The following RYR1 variants were observed in gnomAD, a reference collection of about 807,000 sequenced individuals.
The protein encoded by RYR1 is central core disease of muscle.
A neutral mutation model predicts 583.5 loss-of-function variants in RYR1; 342 were observed. The ratio of observed to expected loss-of-function variants is 0.59; its 90% CI spans 0.54 to 0.64. RYR1 has a LOEUF of 0.64. Among genes scored for constraint, RYR1 ranks in the 30% least tolerant of loss-of-function variants. RYR1 has a pLI of 0.00. For synonymous variants in RYR1, 2,791 were observed against 2,822.5 expected (o/e 0.99, Z 0.35); for missense variants, 6,032 against 6,917.2 (o/e 0.87, Z 4.54).
chr19:38,550,731 A>G (rs1972628825), intron 89 of RYR1, among the ~76,000 whole-genome samples: 1 of 152,090 alleles, frequency 6.6e-6, no homozygotes, highest in Non-Finnish European at 1.5e-5. Context: ...CTCGGTGTTC[A>G]CCAGGGGCTC....
Position 38,455,807 on chromosome 19 carries a change from C to G in RYR1, c.1791+56C>G, listed in dbSNP as rs1034637902. Reference sequence around the variant, plus strand: ...CTGAACTCTGAATGCTGGCCTCTCCCCAGGGCTCCAGAACTCTGCTCACTC... The same window carrying G: ...CTGAACTCTGAATGCTGGCCTCTCCGCAGGGCTCCAGAACTCTGCTCACTC... On this transcript the variant is annotated intron_variant, in intron 16 of 105. Coordinates refer to ENST00000359596, the MANE Select transcript of RYR1 (RefSeq NM_000540.3). The G allele has an allele frequency of 3.7e-6, 4 of 1,077,908 alleles. No individual in the cohort carries two copies. The East Asian group carries it at 9.4e-5, about 25-fold the overall frequency. The allele number at this position is 1,077,908 out of a possible 1,614,324, so 66.8% of individuals were successfully genotyped here.
At chr19:38,575,771 C>T in intron 96 of RYR1, 148 bp from the exon 97 acceptor site, 2 of 836,936 alleles carry the variant, frequency 2.4e-6, no homozygotes. Flanking sequence ...CCACTGCACT[C>T]CAGCCTGGGC....
rs1455758646 is a variant in RYR1 at position 38,496,378 on chromosome 19, G to A, written c.6664-31G>A. The stretch of plus-strand genomic sequence containing the variant: ...GGAGCTCAGGGGAGGCAGCCACAGA[G>A]GGCAGGCCCTGACCACCCTGCCTGT... On this transcript the variant is annotated intron_variant, in intron 40 of 105. Transcript: ENST00000359596. This position sits in a 1 kb window ranked among gnomAD's most constrained non-coding sequence, Gnocchi z 4.8. 2 of 1,613,660 alleles carry A rather than the reference G, an allele frequency of 1.2e-6. No homozygotes were observed. The highest frequency in any genetic ancestry group is 1.3e-5 in the African/African-American group (1 of 74,936).
Position 38,528,992 on chromosome 19 carries a change from G to A in RYR1, c.11076G>A (p.Glu3692=). The change falls in exon 76 of 106, where the codon GAG becomes GAA. Residue 3692 remains glutamate, a synonymous_variant. Transcript: ENST00000359596. The stretch of plus-strand genomic sequence containing the variant: ...AGGAGGAGGAGGAAGAGGTGGAAGA[G>A]AAGAAGCCAGACCCCCTGCACCAGT... The part of the protein sequence containing the change: ...EQEEEEEEVE[E]KKPDPLHQLV... The A allele has an allele frequency of 6.2e-7, 1 of 1,613,430 alleles. No homozygotes were observed.
Position 38,575,978 on chromosome 19 carries a change from GC to G in RYR1, c.14172+20del. The stretch of plus-strand genomic sequence containing the variant: ...AAGCGCAAGGTGAGAGGACATGGAT[GC>G]CCTGGGTCCTGGATTGGGTCCCTGC... On this transcript the variant is annotated intron_variant, in intron 97 of 105. Transcript: ENST00000359596. The G allele has an allele frequency of 6.2e-7, 1 of 1,614,072 alleles. No homozygotes were observed. Among genetic ancestry groups the G allele is most frequent in the South Asian group, 1.1e-5 (1 of 91,082 alleles).
rs372460800 is a variant in RYR1 at position 38,459,158 on chromosome 19, G to A, written c.2180G>A (p.Arg727His). Residue 727 changes from arginine to histidine, a missense_variant, in exon 19 of 106, where the codon CGC becomes CAC. Transcript: ENST00000359596. ...GTGACTGATGCAGGACACGTGGCAC[G>A]CCCAGTGACTTCCCCAGGGCAGCAC... ...GLHLWTGHVA[R>H]PVTSPGQHLL... 1.1e-5 allele frequency: 18 copies of A among 1,613,198 alleles called. No homozygotes were observed. The highest frequency in any genetic ancestry group is 5.3e-5 in the African/African-American group (4 of 74,884).
chr19:38,572,423 A>G (rs1473976222), intron 95 of RYR1, among the ~76,000 whole-genome samples, 153 bp downstream of exon 95: 1 of 151,900 alleles, frequency 6.6e-6, no homozygotes, highest in African/African-American at 2.4e-5. Flanking sequence ...TGGGTACAGG[A>G]TTGGGGTCTC....
Position 38,489,393 on chromosome 19 carries a change from T to C in RYR1, c.5764T>C (p.Leu1922=), listed in dbSNP as rs377314748. 1 of 1,613,700 alleles carries C rather than the reference T, an allele frequency of 6.2e-7. No homozygotes were observed. The highest frequency in any genetic ancestry group is 1.1e-5 in the South Asian group (1 of 91,050). ...AGCAGAAGGGGAGAAAGAAGAAGGCTTGGAGGAAGGGCTGCTCCAGATGAA... is the reference window on the plus strand; with the variant it reads ...AGCAGAAGGGGAGAAAGAAGAAGGCCTGGAGGAAGGGCTGCTCCAGATGAA... The part of the protein sequence containing the change: ...EAAEGEKEEG[L]EEGLLQMKLP... The change falls in exon 35 of 106, where the codon TTG becomes CTG. Residue 1922 remains leucine, a synonymous_variant. Coordinates refer to ENST00000359596, the MANE Select transcript of RYR1 (RefSeq NM_000540.3).
Position 38,496,023 on chromosome 19 carries a change from A to G in RYR1, c.6549-192A>G, listed in dbSNP as rs1969803290. On this transcript the variant is annotated intron_variant, in intron 39 of 105. Coordinates refer to ENST00000359596, the MANE Select transcript of RYR1 (RefSeq NM_000540.3). This position sits in a 1 kb window ranked among gnomAD's most constrained non-coding sequence, Gnocchi z 4.8. Reference sequence around the variant, plus strand: ...AGTGATCCTCTAGCTTCGGCCTCCCAAAGTGCTGGGATTACACGCATGAGC... The same window carrying G: ...AGTGATCCTCTAGCTTCGGCCTCCCGAAGTGCTGGGATTACACGCATGAGC... Among the ~76,000 whole-genome samples the G allele has an allele frequency of 6.6e-6, 1 of 152,122 alleles. No individual in the cohort carries two copies. Among genetic ancestry groups the G allele is most frequent in the Admixed American group, 6.5e-5 (1 of 15,272 alleles).
In RYR1 at chr19:38,457,674, C is replaced by T. The variant is rs755924841; in HGVS notation, c.1925+44C>T. ...GACCCCAGAACTCAGAACCTCTCAA[C>T]CCTCTCCCTGACTTAGAGACTCCAC... On this transcript the variant is annotated intron_variant, in intron 17 of 105. Coordinates refer to ENST00000359596, the MANE Select transcript of RYR1 (RefSeq NM_000540.3). 4 of 1,597,770 alleles carry T rather than the reference C, an allele frequency of 2.5e-6. No homozygotes were observed. The South Asian group carries it at 4.4e-5, about 18-fold the overall frequency.
chr19:38,489,971 G>C, intron 35 of RYR1, 105 bp from the exon 36 acceptor site: 1 of 1,198,694 alleles, frequency 8.3e-7, no homozygotes, highest in South Asian at 1.2e-5. Flanking sequence ...ATTTTGGCTG[G>C]ACCTGGGCAG....
In RYR1 at chr19:38,512,530, C is replaced by T. The variant is rs1348576551; in HGVS notation, c.9472+47C>T. ...GCAGGTTGCGGGGAGTCAGTGTGGC[C>T]AACACCACCCATCCGGGTGCCTGTG... On this transcript the variant is annotated intron_variant, in intron 63 of 105. Transcript: ENST00000359596. The surrounding 1 kb of genome is among the most constrained non-coding windows in gnomAD (Gnocchi z 5.1). The T allele has an allele frequency of 1.5e-5, 23 of 1,540,824 alleles. No homozygotes were observed. The highest frequency in any genetic ancestry group is 2.0e-5 in the Non-Finnish European group (22 of 1,124,896).
In RYR1 at chr19:38,573,409, C is replaced by T. The variant is rs1415790408; in HGVS notation, c.14129+102C>T. 24 of 1,431,126 alleles carry T rather than the reference C, an allele frequency of 1.7e-5. No individual in the cohort carries two copies. In the East Asian group the frequency reaches 2.8e-4, roughly 17 times the overall value. The allele number at this position is 1,431,126 out of a possible 1,614,324, so 88.7% of individuals were successfully genotyped here. A position where few individuals can be genotyped will look rare whatever the true frequency, so the allele number is the denominator to read the frequency against. On this transcript the variant is annotated intron_variant, in intron 96 of 105. Transcript: ENST00000359596. ...AAAAACTAGGGTTTCGGTCCGGGCA[C>T]GGTGGCTCACACCTGTAATCCCGGC...
chr19:38,492,657 G>A (rs1969607275), intron 38 of RYR1, 21 bp downstream of exon 38: 1 of 1,588,712 alleles, frequency 6.3e-7, no homozygotes, highest in Admixed American at 1.8e-5. Context: ...GGGTCACTGG[G>A]GAGAGGGCAG....
chr19:38,504,447 G>C, intron 50 of RYR1, 87 bp downstream of exon 50: 1 of 1,537,544 alleles, frequency 6.5e-7, no homozygotes, highest in Non-Finnish European at 8.9e-7. Flanking sequence ...CCTCAATTTT[G>C]GGGGGTTCAA....
At chr19:38,576,274 CA>C (rs777646975) in intron 97 of RYR1, among the ~76,000 whole-genome samples, 31 of 151,990 alleles carry the variant, frequency 2.0e-4, no homozygotes, top group Non-Finnish European at 4.0e-4. Context: ...GGCAACATGG[CA>C]AAATGCCGTC....
In RYR1 at chr19:38,505,958, G is replaced by C; in HGVS notation, c.8541+12G>C. ...CACAAAGTGCCCAGGTGAAGGCGGG[G>C]CCTGGGTGGAGGGCAGGGGCACGAT... On this transcript the variant is annotated intron_variant, in intron 54 of 105. Coordinates refer to ENST00000359596, the MANE Select transcript of RYR1 (RefSeq NM_000540.3). 1.2e-6 allele frequency: 2 copies of C among 1,611,940 alleles called. No individual in the cohort carries two copies. Among genetic ancestry groups the C allele is most frequent in the Non-Finnish European group, 1.7e-6 (2 of 1,179,768 alleles).
intron 47 of RYR1, among the ~76,000 whole-genome samples, chr19:38,502,017 C>T (rs1236744422): frequency 6.6e-6 from 1 of 150,600 alleles, no homozygotes; most frequent in Admixed American, 6.6e-5. Flanking sequence ...ATTAGCCAGG[C>T]ATGGAGGTGC....
intron 26 of RYR1, 62 bp from the exon 27 acceptor site, chr19:38,469,243 C>G (rs1968286651): frequency 6.2e-7 from 1 of 1,606,330 alleles, no homozygotes; most frequent in African/African-American, 1.3e-5. Flanking sequence ...TACCTCCTCC[C>G]CTCGGCTCCC....
Sources: allele counts gnomAD v4.1 joint callset (sites outside exome capture counted in the v4.1 genomes callset), GRCh38; gene constraint gnomAD v4.1.1; non-coding constraint Gnocchi (gnomAD v3.1); transcripts MANE v1.5; gene names NCBI Gene and HGNC (gene_info 2026-07-23, HGNC 2026-07-21).